Variants in VAV3 observed in about 807,000 individuals in gnomAD.
VAV3 encodes guanine nucleotide exchange factor VAV3.
A neutral mutation model predicts 131.2 loss-of-function variants in VAV3; 94 were observed. The ratio of observed to expected loss-of-function variants is 0.72; its 90% CI spans 0.61 to 0.85. The LOEUF is 0.85. Ranked by LOEUF, VAV3 falls within the 40% of genes least tolerant of loss-of-function variation. The pLI, the probability that VAV3 is intolerant of heterozygous loss-of-function variation, is 0.00. For missense variants in VAV3, 939 were observed against 1,002.7 expected, an observed-to-expected ratio of 0.94 and a Z score of 0.86; for synonymous variants, 349 against 342.0, an observed-to-expected ratio of 1.02 and a Z score of -0.22.
intron 19 of VAV3, among the ~76,000 whole-genome samples, chr1:107,675,574 C>T (rs1024476224): frequency 6.6e-6 from 1 of 152,156 alleles, no homozygotes; most frequent in Non-Finnish European, 1.5e-5. Context: ...TTCCTCATTA[C>T]TCCTTTATTG....
chr1:107,812,544 T>C (rs6698523), intron 2 of VAV3, among the ~76,000 whole-genome samples: 22,708 of 151,936 alleles, frequency 0.15, 1,961 homozygotes, highest in East Asian at 0.29. Flanking sequence ...ACAGGACTAT[T>C]TTTAATGTAC....
At chr1:107,618,125 C>T (rs1653305114) in intron 20 of VAV3, among the ~76,000 whole-genome samples, 1 of 152,132 alleles carries the variant, frequency 6.6e-6, no homozygotes, top group Non-Finnish European at 1.5e-5. Flanking sequence ...ACTGATTTGA[C>T]AGGAGGGGGA....
At chr1:107,596,165 C>G (rs1162923860) in intron 25 of VAV3, 47 bp downstream of exon 25, 2 of 1,593,822 alleles carry the variant, frequency 1.3e-6, no homozygotes, top group Admixed American at 1.8e-5. Context: ...TATTGTGCCC[C>G]TAATTTTTAA....
intron 1 of VAV3, among the ~76,000 whole-genome samples, chr1:107,900,000 C>G (rs957949393): frequency 6.6e-6 from 1 of 152,148 alleles, no homozygotes; most frequent in Non-Finnish European, 1.5e-5. Flanking sequence ...TATATTCATA[C>G]ACTTTCAGCA....
At chr1:107,697,793 C>A (rs1247467755) in intron 17 of VAV3, among the ~76,000 whole-genome samples, 1 of 152,118 alleles carries the variant, frequency 6.6e-6, no homozygotes, top group African/African-American at 2.4e-5. Context: ...CTTCTCGCAG[C>A]ACTACAGAAC....
intron 18 of VAV3, among the ~76,000 whole-genome samples, chr1:107,684,800 G>A (rs1366997559): frequency 1.3e-5 from 2 of 152,112 alleles, no homozygotes; most frequent in Non-Finnish European, 2.9e-5. Flanking sequence ...AAAATTGGAA[G>A]CATAATGAGT....
intron 13 of VAV3, among the ~76,000 whole-genome samples, chr1:107,750,430 C>A (rs555508300): frequency 6.6e-6 from 1 of 152,028 alleles, no homozygotes; most frequent in East Asian, 1.9e-4. Context: ...GATTAACACA[C>A]ATTTTTTTTA....
Position 107,951,538 on chromosome 1 carries a change from C to G in VAV3, c.204+13128G>C, listed in dbSNP as rs553283926. The stretch of plus-strand genomic sequence containing the variant: ...ACTCTCAACAGAGTAAAGAGACAAC[C>G]TACAGAATGGAAGAAAATTTTTGCA... On this transcript the variant is annotated intron_variant, in intron 1 of 26. Transcript: ENST00000370056. Among the ~76,000 whole-genome samples, 409 of 152,128 alleles carry G rather than the reference C, an allele frequency of 2.7e-3. 1 individual carries two copies. Among genetic ancestry groups the G allele is most frequent in the Non-Finnish European group, 1.7e-3 (117 of 67,994 alleles).
intron 7 of VAV3, among the ~76,000 whole-genome samples, chr1:107,767,717 G>C (rs1238232902): frequency 6.6e-6 from 1 of 152,164 alleles, no homozygotes; most frequent in African/African-American, 2.4e-5. Context: ...ATGCGTGCAT[G>C]GGGGTGGGGA....
rs117290581 is a variant in VAV3, at chr1:107,739,409, T to C, written c.1502+9559A>G. 6.9e-4 allele frequency among the ~76,000 whole-genome samples: 105 copies of C among 152,328 alleles called. 2 individuals are homozygous for C. In the East Asian group the frequency reaches 0.019, roughly 28 times the overall value. ...TTGCTGCCAGTATAGTTCCCTATCC[T>C]GACTTAACTGCCAATTTTGAAAGGT... On this transcript the variant is annotated intron_variant, in intron 15 of 26. Transcript: ENST00000370056.
chr1:107,779,661 G>T (rs1665575549), intron 2 of VAV3, among the ~76,000 whole-genome samples, 169 bp from the exon 3 acceptor site: 1 of 151,968 alleles, frequency 6.6e-6, no homozygotes, highest in Admixed American at 6.6e-5. Context: ...TAAACACCTG[G>T]ATTATAATTT....
At chr1:107,573,486 G>T in intron 26 of VAV3, 114 bp from the exon 27 acceptor site, 1 of 1,240,110 alleles carries the variant, frequency 8.1e-7, no homozygotes, top group Non-Finnish European at 1.1e-6. Flanking sequence ...GGGGTTTTAT[G>T]TCCATTGTAG....
chr1:107,837,059 C>A (rs1225851306), intron 2 of VAV3, among the ~76,000 whole-genome samples: 2 of 152,128 alleles, frequency 1.3e-5, no homozygotes, highest in East Asian at 3.9e-4. Flanking sequence ...CTCTACAAAG[C>A]CAGCATCATC....
chr1:107,893,798 T>TTAAA, intron 1 of VAV3, among the ~76,000 whole-genome samples: 1 of 152,316 alleles, frequency 6.6e-6, no homozygotes, highest in East Asian at 1.9e-4. Flanking sequence ...AACTTATTTT[T>TTAAA]TAAAGATCAA....
At chr1:107,598,673 G>A (rs1237219047) in intron 24 of VAV3, among the ~76,000 whole-genome samples, 2 of 152,142 alleles carry the variant, frequency 1.3e-5, no homozygotes, top group Non-Finnish European at 2.9e-5. Context: ...ATCAGAATAT[G>A]CATTTGTATT....
At chr1:107,827,399 G>A (rs1026441061) in intron 2 of VAV3, among the ~76,000 whole-genome samples, 1 of 152,120 alleles carries the variant, frequency 6.6e-6, no homozygotes, top group Non-Finnish European at 1.5e-5. Context: ...TCATCAGGGT[G>A]TATCTCTCCC....
chr1:107,882,445 G>A (rs768492824), intron 1 of VAV3, among the ~76,000 whole-genome samples: 17 of 152,070 alleles, frequency 1.1e-4, no homozygotes, highest in Admixed American at 3.9e-4. Context: ...CCATGAAACC[G>A]ATTTACAAAC....
At position 107,964,859 on chromosome 1, in the gene VAV3, C is replaced by CACGGCTCCATGCCCG. The variant is rs1557951252; in HGVS notation, c.-5_10dup (p.Pro3_Trp4insSerGlyMetGluPro). On this transcript the variant is annotated inframe_insertion, in exon 1 of 27. Transcript: ENST00000370056. Reference sequence around the variant, plus strand: ...GATGAGCCACTGCGCGCACTGCTTCCACGGCTCCATGCCCGACGGCTCCGG... The same window carrying CACGGCTCCATGCCCG: ...GATGAGCCACTGCGCGCACTGCTTCCACGGCTCCATGCCCGACGGCTCCATGCCCGACGGCTCCGG... 2 of 1,601,958 alleles carry CACGGCTCCATGCCCG rather than the reference C, an allele frequency of 1.2e-6. No homozygotes were observed. Among genetic ancestry groups the CACGGCTCCATGCCCG allele is most frequent in the East Asian group, 2.3e-5 (1 of 43,952 alleles).
intron 2 of VAV3, among the ~76,000 whole-genome samples, chr1:107,833,588 A>C (rs1668352326): frequency 6.6e-6 from 1 of 152,204 alleles, no homozygotes; most frequent in Non-Finnish European, 1.5e-5. Context: ...ATGTATGTCT[A>C]TACTTACCTA....
Sources: gnomAD v4.1 joint callset for allele counts (sites outside exome capture counted in the v4.1 genomes callset) on GRCh38, gnomAD v4.1.1 for gene constraint, MANE v1.5 for transcripts, NCBI Gene and HGNC (gene_info 2026-07-23, HGNC 2026-07-21) for gene names.